The following CCDC60 variants were observed in gnomAD, a reference collection of about 807,000 sequenced individuals.
CCDC60 encodes the protein coiled-coil domain-containing protein 60.
In CCDC60, 54 loss-of-function variants were observed where a neutral mutation model predicts 63.5. The observed-to-expected ratio is 0.85, with a 90% confidence interval of 0.68 to 1.07. The LOEUF (loss-of-function observed/expected upper bound fraction) is 1.07, where lower values mean the gene tolerates loss of function less well. Ranked by LOEUF, CCDC60 falls within the 50% of genes least tolerant of loss-of-function variation. The probability of loss-of-function intolerance (pLI) is 0.00; values close to 1 mark genes in which losing one functional copy is unlikely to be tolerated. For synonymous variants in CCDC60, 206 were observed against 238.8 expected (o/e 0.86, Z 1.27); for missense variants, 651 against 684.3 (o/e 0.95, Z 0.54).
At chr12:119,519,833 AT>A (rs1280007119) in intron 8 of CCDC60, among the ~76,000 whole-genome samples, 8 of 147,186 alleles carry the variant, frequency 5.4e-5, no homozygotes, top group Non-Finnish European at 1.2e-4. Context: ...ATGGTGGGGA[AT>A]TTTAGGAGAG....
At chr12:119,493,821 G>A (rs568656314) in intron 5 of CCDC60, among the ~76,000 whole-genome samples, 1 of 152,030 alleles carries the variant, frequency 6.6e-6, no homozygotes, top group Admixed American at 6.5e-5. Flanking sequence ...CTGCATTTCA[G>A]AATTCTGAGG....
chr12:119,347,105 A>G (rs903212434), intron 1 of CCDC60, among the ~76,000 whole-genome samples: 2 of 151,994 alleles, frequency 1.3e-5, no homozygotes, highest in African/African-American at 4.8e-5. Context: ...TTACAGTCAT[A>G]AGCCACGTGC....
chr12:119,479,202 G>A lies in CCDC60; in HGVS notation c.449+1G>A. 1.2e-6 allele frequency: 2 copies of A among 1,607,798 alleles called. No homozygotes were observed. The highest frequency in any genetic ancestry group is 2.2e-5 in the East Asian group (1 of 44,832). ...CTCCCTCGCTAACCGAGGCTCACGT[G>A]TAAGTAGTCTCACCTCCAGCTCATT... On this transcript the variant is annotated splice_donor_variant, in intron 4 of 13. Transcript: ENST00000327554. LOFTEE classifies it high-confidence loss of function.
At chr12:119,394,914 A>G (rs1254599363) in intron 1 of CCDC60, among the ~76,000 whole-genome samples, 1 of 152,248 alleles carries the variant, frequency 6.6e-6, no homozygotes, top group Non-Finnish European at 1.5e-5. Context: ...TGCTCTGGAA[A>G]CACAGAGAAG....
chr12:119,528,444 A>G (rs1952751132), intron 11 of CCDC60, among the ~76,000 whole-genome samples, 171 bp from the exon 12 acceptor site: 1 of 152,186 alleles, frequency 6.6e-6, no homozygotes, highest in African/African-American at 2.4e-5. Context: ...CCTTGGAGAG[A>G]GCTGTATCCT....
intron 2 of CCDC60, among the ~76,000 whole-genome samples, chr12:119,471,559 G>A (rs1257400085): frequency 6.6e-6 from 1 of 152,146 alleles, no homozygotes; most frequent in Non-Finnish European, 1.5e-5. Context: ...ATAAACATTT[G>A]TTGAGTGATG....
At chr12:119,371,263 T>TA (rs1365287043) in intron 1 of CCDC60, among the ~76,000 whole-genome samples, 2 of 151,962 alleles carry the variant, frequency 1.3e-5, no homozygotes, top group Non-Finnish European at 2.9e-5. Context: ...AGATAATTAA[T>TA]AAAAAATGCA....
intron 1 of CCDC60, among the ~76,000 whole-genome samples, chr12:119,355,234 CA>C (rs1955704311): frequency 6.6e-6 from 1 of 152,204 alleles, no homozygotes; most frequent in Non-Finnish European, 1.5e-5. Flanking sequence ...TGATCTTCTA[CA>C]TTGTCTTCCT....
chr12:119,523,076 G>T, intron 10 of CCDC60, 75 bp downstream of exon 10: 1 of 1,346,954 alleles, frequency 7.4e-7, no homozygotes, highest in Non-Finnish European at 1.1e-6. Flanking sequence ...TCCCAGGGGT[G>T]TAGAAATGAC....
intron 5 of CCDC60, among the ~76,000 whole-genome samples, chr12:119,491,210 T>C (rs1359370129): frequency 6.6e-6 from 1 of 152,238 alleles, no homozygotes; most frequent in Non-Finnish European, 1.5e-5. Flanking sequence ...TATTCTATCA[T>C]ATGGATGGAA....
chr12:119,381,689 C>A (rs780396853), intron 1 of CCDC60, among the ~76,000 whole-genome samples: 3 of 152,124 alleles, frequency 2.0e-5, no homozygotes, highest in Non-Finnish European at 4.4e-5. Flanking sequence ...CTATTGCCAC[C>A]CCATTCTAAG....
At position 119,378,120 on chromosome 12, in the gene CCDC60, C is replaced by T. The variant is rs569815727; in HGVS notation, c.90+42854C>T. ...TCAGTCGGACCAGGTATGACGTTTG[C>T]ATAGTATGCAAAGAAGCTGGCCATC... On this transcript the variant is annotated intron_variant, in intron 1 of 13. Coordinates refer to ENST00000327554, the MANE Select transcript of CCDC60 (RefSeq NM_178499.5). Among the ~76,000 whole-genome samples, 21 of 152,324 alleles carry T rather than the reference C, an allele frequency of 1.4e-4. No homozygotes were observed. The South Asian group carries it at 4.1e-3, about 30-fold the overall frequency.
chr12:119,446,114 A>G (rs1566014100), intron 2 of CCDC60, among the ~76,000 whole-genome samples: 1 of 152,196 alleles, frequency 6.6e-6, no homozygotes, highest in African/African-American at 2.4e-5. Context: ...CTGACAGAAT[A>G]TGGGTGCAAA....
At chr12:119,411,886 C>T (rs1033531230) in intron 1 of CCDC60, among the ~76,000 whole-genome samples, 2 of 152,044 alleles carry the variant, frequency 1.3e-5, no homozygotes. Flanking sequence ...CTGCCAACAA[C>T]CCTTCCAGCC....
rs140359208 is a variant in CCDC60, at chr12:119,495,079, C to A, written c.558-4999C>A. Among the ~76,000 whole-genome samples, 20 of 152,264 alleles carry A rather than the reference C, an allele frequency of 1.3e-4. No homozygotes were observed. The East Asian group carries it at 3.9e-3, about 29-fold the overall frequency. ...GTCAAGCACTGCTCTGGGTGTATTA[C>A]CTCATTTAAGCCTCATTCCAACTTA... On this transcript the variant is annotated intron_variant, in intron 5 of 13. Transcript: ENST00000327554.
At chr12:119,485,856 G>T (rs1017262896) in intron 4 of CCDC60, among the ~76,000 whole-genome samples, 2 of 152,178 alleles carry the variant, frequency 1.3e-5, no homozygotes, top group Admixed American at 6.5e-5. Context: ...AGAGGGTCAG[G>T]TTTGCATCCG....
chr12:119,365,292 C>A (rs1206668627), intron 1 of CCDC60, among the ~76,000 whole-genome samples: 1 of 152,076 alleles, frequency 6.6e-6, no homozygotes, highest in Non-Finnish European at 1.5e-5. Context: ...CAAGAAGGAT[C>A]AACATGTTCC....
intron 4 of CCDC60, among the ~76,000 whole-genome samples, chr12:119,480,029 C>G (rs569350079): frequency 1.3e-5 from 2 of 149,886 alleles, no homozygotes; most frequent in South Asian, 4.2e-4. Flanking sequence ...CACACACACA[C>G]ACACACACAC....
At chr12:119,486,016 G>C (rs745335945) in intron 4 of CCDC60, among the ~76,000 whole-genome samples, 3 of 152,072 alleles carry the variant, frequency 2.0e-5, no homozygotes, top group Non-Finnish European at 2.9e-5. Flanking sequence ...GCCTGCAGGG[G>C]CTCCAAGCTG....
Sources: gnomAD v4.1 joint callset for allele counts (sites outside exome capture counted in the v4.1 genomes callset) on GRCh38, gnomAD v4.1.1 for gene constraint, MANE v1.5 for transcripts, NCBI Gene and HGNC (gene_info 2026-07-23, HGNC 2026-07-21) for gene names.